The following AIM2 variants were observed in gnomAD, a reference collection of about 807,000 sequenced individuals.
AIM2 encodes absent in melanoma 2.
A neutral mutation model predicts 27.7 loss-of-function variants in AIM2; 30 were observed. The observed-to-expected ratio is 1.08, with a 90% CI of 0.81 to 1.47. The LOEUF is 1.47. AIM2 is among the 40% of genes most tolerant of loss of function. The pLI is 0.00. For missense variants in AIM2, 358 were observed against 411.3 expected (o/e 0.87, Z 1.12); for synonymous variants, 141 against 145.3 (o/e 0.97, Z 0.21).
chr1:159,079,278 T>C (rs1369913846), upstream of AIM2, among the ~76,000 whole-genome samples: 2 of 152,128 alleles, frequency 1.3e-5, no homozygotes, highest in East Asian at 1.9e-4. Flanking sequence ...CTAAATGTGA[T>C]AGCAGAAAAG....
chr1:159,110,729 G>A (rs969803787), intron 1 of AIM2, among the ~76,000 whole-genome samples: 1 of 152,116 alleles, frequency 6.6e-6, no homozygotes, highest in African/African-American at 2.4e-5. Context: ...TCTATTTCCT[G>A]CCCCTCTAGA....
intron 1 of AIM2, among the ~76,000 whole-genome samples, chr1:159,102,275 G>T (rs1209164474): frequency 6.6e-6 from 1 of 152,224 alleles, no homozygotes; most frequent in East Asian, 1.9e-4. Flanking sequence ...AAGAATTGAG[G>T]TTTGGGAACC....
At chr1:159,143,334 G>A (rs1428881090), upstream of AIM2, among the ~76,000 whole-genome samples, 2 of 152,118 alleles carry the variant, frequency 1.3e-5, no homozygotes, top group African/African-American at 4.8e-5. Context: ...CTAGAGATGG[G>A]AGCTCAGAAA....
At chr1:159,134,493 C>T (rs746131252) in intron 1 of AIM2, among the ~76,000 whole-genome samples, 5 of 152,242 alleles carry the variant, frequency 3.3e-5, no homozygotes, top group Non-Finnish European at 5.9e-5. Context: ...TCACTTCATG[C>T]GGCCTTCTCC....
intron 1 of AIM2, among the ~76,000 whole-genome samples, chr1:159,097,018 A>C (rs180932197): frequency 1.0e-3 from 159 of 152,196 alleles, no homozygotes; most frequent in African/African-American, 2.8e-3. Flanking sequence ...GATTGTAAAA[A>C]AGAAAATAAA....
chr1:159,080,186 G>T (rs538556985), upstream of AIM2, among the ~76,000 whole-genome samples: 1 of 152,206 alleles, frequency 6.6e-6, no homozygotes, highest in East Asian at 1.9e-4. Flanking sequence ...TCAACTTTGG[G>T]TAAATATCAA....
At chr1:159,070,121 C>T (rs1038545619) in intron 2 of AIM2, among the ~76,000 whole-genome samples, 8 of 152,196 alleles carry the variant, frequency 5.3e-5, no homozygotes, top group Non-Finnish European at 1.0e-4. Flanking sequence ...GTTAATGCTC[C>T]TTTGACACAT....
upstream of AIM2, among the ~76,000 whole-genome samples, chr1:159,079,337 T>G (rs1471873651): frequency 1.3e-5 from 2 of 151,900 alleles, no homozygotes; most frequent in African/African-American, 2.4e-5. Flanking sequence ...TCTAAAAGTA[T>G]GCCTAGAAAA....
At chr1:159,068,385 C>G (rs766293888) in intron 3 of AIM2, among the ~76,000 whole-genome samples, 183 bp downstream of exon 3, 1 of 152,180 alleles carries the variant, frequency 6.6e-6, no homozygotes, top group Non-Finnish European at 1.5e-5. Flanking sequence ...AGAAGCTCAA[C>G]AGGTGTTTAA....
At chr1:159,139,772 C>A (rs532058184) in intron 1 of AIM2, among the ~76,000 whole-genome samples, 1 of 152,170 alleles carries the variant, frequency 6.6e-6, no homozygotes, top group African/African-American at 2.4e-5. Context: ...CACACATACC[C>A]GCCCTGTTTC....
chr1:159,087,716 G>A (rs933469311), intron 1 of AIM2, among the ~76,000 whole-genome samples: 3 of 151,668 alleles, frequency 2.0e-5, no homozygotes, highest in Non-Finnish European at 2.9e-5. Context: ...TGGATTACAA[G>A]TGCCCACCAC....
intron 1 of AIM2, among the ~76,000 whole-genome samples, chr1:159,134,723 T>A (rs937201236): frequency 6.6e-6 from 1 of 152,052 alleles, no homozygotes; most frequent in African/African-American, 2.4e-5. Flanking sequence ...TCCCAGTTAC[T>A]CGGGAGGCTG....
chr1:159,080,029 T>C (rs1025557706), upstream of AIM2, among the ~76,000 whole-genome samples: 1 of 152,226 alleles, frequency 6.6e-6, no homozygotes, highest in Non-Finnish European at 1.5e-5. Flanking sequence ...TCATTTCTTT[T>C]TAGCACTAAA....
chr1:159,108,360 AC>A (rs1302706628), intron 1 of AIM2, among the ~76,000 whole-genome samples: 8 of 152,176 alleles, frequency 5.3e-5, no homozygotes, highest in Non-Finnish European at 1.2e-4. Flanking sequence ...TATAATTAAA[AC>A]TTAGCAAAAC....
chr1:159,091,420 C>A (rs955760732), intron 1 of AIM2, among the ~76,000 whole-genome samples: 1 of 152,168 alleles, frequency 6.6e-6, no homozygotes, highest in Non-Finnish European at 1.5e-5. Flanking sequence ...TTTACTTATT[C>A]TAGGCTGGGT....
chr1:159,107,409 G>A (rs1382999375), intron 1 of AIM2, among the ~76,000 whole-genome samples: 1 of 152,038 alleles, frequency 6.6e-6, no homozygotes, highest in African/African-American at 2.4e-5. Context: ...GCAGGGGGGA[G>A]TGGATAATGT....
intron 1 of AIM2, among the ~76,000 whole-genome samples, chr1:159,099,776 G>A (rs534815610): frequency 2.6e-5 from 4 of 152,116 alleles, no homozygotes; most frequent in Non-Finnish European, 4.4e-5. Flanking sequence ...GCCTAACCTT[G>A]CCTGTAAAAA....
downstream of AIM2, among the ~76,000 whole-genome samples, chr1:159,059,560 A>G (rs192691575): frequency 2.0e-4 from 31 of 152,324 alleles, no homozygotes; most frequent in Non-Finnish European, 4.0e-4. Flanking sequence ...GGACTGTTTT[A>G]TACACAGATG....
At chr1:159,073,933 G>A (rs1656483715) in intron 1 of AIM2, among the ~76,000 whole-genome samples, 1 of 152,130 alleles carries the variant, frequency 6.6e-6, no homozygotes. Context: ...CAACTACTCA[G>A]GAGGCTGAGG....
Sources: gnomAD v4.1 joint callset for allele counts (sites outside exome capture counted in the v4.1 genomes callset) on GRCh38, gnomAD v4.1.1 for gene constraint, MANE v1.5 for transcripts, NCBI Gene and HGNC (gene_info 2026-07-23, HGNC 2026-07-21) for gene names.